The following CNTNAP5 variants were observed in gnomAD, a reference collection of about 807,000 sequenced individuals.
CNTNAP5 encodes contactin associated protein family member 5, also known as contactin-associated protein-like 5.
In CNTNAP5, 72 loss-of-function variants were observed where a neutral mutation model predicts 150.2. That is an observed-to-expected ratio of 0.48 (90% confidence interval 0.40 to 0.58). The LOEUF is 0.58. Ranked by LOEUF, CNTNAP5 falls within the 20% of genes least tolerant of loss-of-function variation. The probability of loss-of-function intolerance (pLI) is 0.00; values close to 1 mark genes in which losing one functional copy is unlikely to be tolerated. For missense variants in CNTNAP5, 1,636 were observed against 1,626.2 expected (o/e 1.01, Z -0.10); for synonymous variants, 672 against 619.8 (o/e 1.08, Z -1.25).
intron 3 of CNTNAP5, among the ~76,000 whole-genome samples, chr2:124,299,042 A>C (rs576068157): frequency 2.6e-4 from 40 of 152,338 alleles, no homozygotes; most frequent in Non-Finnish European, 4.6e-4. Context: ...GAAGGGGAAG[A>C]AAAATGGAAT....
chr2:124,587,985 T>C (rs1050867285), intron 11 of CNTNAP5, among the ~76,000 whole-genome samples: 4 of 152,178 alleles, frequency 2.6e-5, no homozygotes, highest in Admixed American at 2.6e-4. Context: ...TATTGGAAAC[T>C]TGAGTTTTCA....
intron 12 of CNTNAP5, among the ~76,000 whole-genome samples, chr2:124,634,444 G>A (rs959044826): frequency 5.3e-5 from 8 of 152,082 alleles, no homozygotes; most frequent in African/African-American, 1.9e-4. Context: ...CTTTGCTCCA[G>A]TTCCTAATAA....
chr2:124,152,615 A>G (rs192023509), intron 1 of CNTNAP5, among the ~76,000 whole-genome samples: 5 of 152,208 alleles, frequency 3.3e-5, no homozygotes, highest in African/African-American at 1.2e-4. Flanking sequence ...GGGAGAGAGC[A>G]TGTGGAGGGA....
At chr2:124,680,620 A>G (rs1004907231) in intron 13 of CNTNAP5, 5 of 151,684 alleles carry the variant, frequency 3.3e-5, no homozygotes, top group African/African-American at 1.2e-4. Flanking sequence ...CCCCCCACCC[A>G]CTATGTATAG....
At chr2:124,619,303 G>C (rs1168002202) in intron 12 of CNTNAP5, among the ~76,000 whole-genome samples, 1 of 152,110 alleles carries the variant, frequency 6.6e-6, no homozygotes, top group Admixed American at 6.5e-5. Context: ...GGATGGGTGA[G>C]ATGTCACCAG....
intron 3 of CNTNAP5, among the ~76,000 whole-genome samples, chr2:124,352,734 G>A (rs551202734): frequency 6.6e-6 from 1 of 152,140 alleles, no homozygotes; most frequent in Admixed American, 6.5e-5. Flanking sequence ...TTAGCTTCCA[G>A]GGCCTGAACA....
At chr2:124,229,034 A>G (rs1686543418) in intron 2 of CNTNAP5, among the ~76,000 whole-genome samples, 1 of 152,132 alleles carries the variant, frequency 6.6e-6, no homozygotes, top group Admixed American at 6.6e-5. Context: ...AACATTGAAC[A>G]TAAAGGACTA....
intron 7 of CNTNAP5, among the ~76,000 whole-genome samples, chr2:124,479,248 A>G (rs1573401637): frequency 1.3e-5 from 2 of 152,294 alleles, no homozygotes; most frequent in Non-Finnish European, 2.9e-5. Context: ...TATGTAGTAT[A>G]AGAAATATAT....
intron 21 of CNTNAP5, among the ~76,000 whole-genome samples, chr2:124,892,187 C>A (rs753435685): frequency 1.3e-5 from 2 of 152,088 alleles, no homozygotes; most frequent in Non-Finnish European, 2.9e-5. Context: ...TTGATATATG[C>A]AGTCAAATGT....
At chr2:124,771,977 C>A (rs1036433214) in intron 16 of CNTNAP5, among the ~76,000 whole-genome samples, 16 of 151,716 alleles carry the variant, frequency 1.1e-4, no homozygotes, top group Middle Eastern at 3.4e-3. Flanking sequence ...ACGACCACCA[C>A]CATCATCATC....
At chr2:124,835,462 A>T (rs1353391446) in intron 19 of CNTNAP5, among the ~76,000 whole-genome samples, 1 of 152,150 alleles carries the variant, frequency 6.6e-6, no homozygotes, top group Non-Finnish European at 1.5e-5. Context: ...GTCCATCCTG[A>T]CAGCCTCTGG....
intron 1 of CNTNAP5, among the ~76,000 whole-genome samples, chr2:124,076,065 A>G (rs1410720681): frequency 6.6e-6 from 1 of 152,176 alleles, no homozygotes; most frequent in Non-Finnish European, 1.5e-5. Flanking sequence ...CCAAGATTAT[A>G]TGATTAACCC....
At position 124,914,310 on chromosome 2, in the gene CNTNAP5, C is replaced by A; in HGVS notation, c.*22C>A. The A allele has an allele frequency of 5.2e-6, 8 of 1,551,174 alleles. No individual in the cohort carries two copies. The highest frequency in any genetic ancestry group is 7.1e-6 in the Non-Finnish European group (8 of 1,128,370). On this transcript the variant is annotated 3_prime_UTR_variant, in exon 24 of 24. Coordinates refer to ENST00000682447, the MANE Select transcript of CNTNAP5 (RefSeq NM_001367498.1). ...CTGAGAAACTGCAGGGTTCCTACTA[C>A]TCTTTTTTCTTGTTGTTCAATTATC...
intron 11 of CNTNAP5, among the ~76,000 whole-genome samples, chr2:124,597,686 G>T (rs1011875934): frequency 1.0e-3 from 152 of 151,180 alleles, no homozygotes; most frequent in African/African-American, 3.5e-3. Flanking sequence ...TCTGAACGTT[G>T]GCCTGCCTTG....
chr2:124,823,042 A>G (rs931610950), intron 19 of CNTNAP5, among the ~76,000 whole-genome samples: 3 of 152,240 alleles, frequency 2.0e-5, no homozygotes, highest in African/African-American at 7.2e-5. Context: ...CAAACAACAC[A>G]GAGAAAAAAT....
At chr2:124,168,870 T>C (rs1234143730) in intron 1 of CNTNAP5, among the ~76,000 whole-genome samples, 1 of 152,206 alleles carries the variant, frequency 6.6e-6, no homozygotes, top group East Asian at 1.9e-4. Context: ...GGATTTGACC[T>C]ATCTGCGTGG....
chr2:124,369,842 C>T (rs1394102570), intron 3 of CNTNAP5, among the ~76,000 whole-genome samples: 1 of 152,054 alleles, frequency 6.6e-6, no homozygotes, highest in Non-Finnish European at 1.5e-5. Context: ...TTCCCTCAGG[C>T]TTATCAGAAA....
chr2:124,889,434 T>C (rs1678148637), intron 21 of CNTNAP5, among the ~76,000 whole-genome samples: 1 of 152,050 alleles, frequency 6.6e-6, no homozygotes, highest in Non-Finnish European at 1.5e-5. Flanking sequence ...TTTTGTATAT[T>C]GTGAAAGGTA....
chr2:124,174,082 G>A (rs1830464), intron 1 of CNTNAP5, among the ~76,000 whole-genome samples: 147,743 of 151,204 alleles, frequency 0.98, 72,281 homozygotes, highest in South Asian at 1. Context: ...TGAATATGTT[G>A]AGCCCACTGT....
Sources: allele counts gnomAD v4.1 joint callset (sites outside exome capture counted in the v4.1 genomes callset), GRCh38; gene constraint gnomAD v4.1.1; transcripts MANE v1.5; gene names NCBI Gene and HGNC (gene_info 2026-07-23, HGNC 2026-07-21).